The following LAMB4 variants were observed in gnomAD, a reference collection of about 807,000 sequenced individuals.
LAMB4 encodes the protein laminin subunit beta-4.
In LAMB4, 196 loss-of-function variants were observed where a neutral mutation model predicts 199.2. The observed-to-expected ratio is 0.98, with a 90% CI of 0.88 to 1.11. The LOEUF is 1.11. Ranked by LOEUF, LAMB4 falls within the 50% of genes least tolerant of loss-of-function variation. The pLI is 0.00. For synonymous variants in LAMB4, 744 were observed against 770.6 expected (o/e 0.97, Z 0.57); for missense variants, 2,080 against 2,171.2 (o/e 0.96, Z 0.83).
intron 32 of LAMB4, among the ~76,000 whole-genome samples, chr7:108,030,118 CAA>C (rs749155829): frequency 8.8e-4 from 70 of 79,790 alleles, no homozygotes; most frequent in Admixed American, 4.1e-3. Context: ...CTCTGTCTCA[CAA>C]AAAAAAAAAA....
At position 108,098,543 on chromosome 7, in the gene LAMB4, A is replaced by G; in HGVS notation, c.1220T>C (p.Ile407Thr). 1 of 1,612,800 alleles carries G rather than the reference A, an allele frequency of 6.2e-7. No individual in the cohort carries two copies. The highest frequency in any genetic ancestry group is 2.2e-5 in the East Asian group (1 of 44,878). Residue 407 changes from isoleucine (I) to threonine (T), a missense_variant, in exon 11 of 34, where the codon ATT becomes ACT. Coordinates refer to ENST00000388781, the MANE Select transcript of LAMB4 (RefSeq NM_007356.3). Reference protein sequence around the residue: ...CDPDGTISGGICVSHSDPALG... With the variant: ...CDPDGTISGGTCVSHSDPALG... ...GGCAGGATCAGAGTGGCTCACACAA[A>G]TGCCACCAGATATGGTCCCATCGGG... is the stretch of plus-strand genomic sequence containing the variant.
rs1486404467 is a variant in LAMB4 at position 108,057,562 on chromosome 7, G to T, written c.3379+270C>A. Among the ~76,000 whole-genome samples the T allele has an allele frequency of 2.6e-5, 4 of 152,272 alleles. No homozygotes were observed. In the East Asian group the frequency reaches 7.7e-4, roughly 29 times the overall value. On this transcript the variant is annotated intron_variant, in intron 24 of 33. Coordinates refer to ENST00000388781, the MANE Select transcript of LAMB4 (RefSeq NM_007356.3). ...TTTGGATTTTCTTCTTTTGGAAGCT[G>T]ACTGTTCCATTTGTAATGAGTTTGA...
intron 17 of LAMB4, among the ~76,000 whole-genome samples, chr7:108,075,135 A>G (rs1275303810): frequency 6.6e-6 from 1 of 152,108 alleles, no homozygotes; most frequent in Non-Finnish European, 1.5e-5. Context: ...TTTGTAACTC[A>G]TATGTTGGTT....
chr7:108,055,152 G>A (rs751602638), intron 25 of LAMB4, among the ~76,000 whole-genome samples: 1 of 151,202 alleles, frequency 6.6e-6, no homozygotes, highest in Non-Finnish European at 1.5e-5. Flanking sequence ...ATCCTAACTA[G>A]GTGAGAAAAA....
chr7:108,011,895 A>T, the LAMB4 span, among the ~76,000 whole-genome samples: 1 of 151,782 alleles, frequency 6.6e-6, no homozygotes, highest in East Asian at 1.9e-4. Flanking sequence ...ATATATAAAC[A>T]CATATGAATA....
the LAMB4 span, among the ~76,000 whole-genome samples, chr7:108,013,123 C>T: frequency 2.0e-5 from 3 of 152,210 alleles, no homozygotes; most frequent in African/African-American, 7.2e-5. Flanking sequence ...GAAGAGTATT[C>T]ATTAAGTAAG....
chr7:108,071,612 T>C (rs1242381631), intron 17 of LAMB4, among the ~76,000 whole-genome samples: 1 of 152,222 alleles, frequency 6.6e-6, no homozygotes, highest in Non-Finnish European at 1.5e-5. Context: ...AAGGAGGTCA[T>C]CTTTGACACT....
intron 25 of LAMB4, among the ~76,000 whole-genome samples, chr7:108,053,244 G>A (rs577421108): frequency 6.6e-6 from 1 of 152,328 alleles, no homozygotes; most frequent in South Asian, 2.1e-4. Flanking sequence ...GAAGCTTGGA[G>A]GAGTTTAGTA....
intron 12 of LAMB4, among the ~76,000 whole-genome samples, chr7:108,094,612 C>A (rs753823493): frequency 6.6e-6 from 1 of 151,028 alleles, no homozygotes; most frequent in Non-Finnish European, 1.5e-5. Flanking sequence ...TCATGGTGAG[C>A]TGCCAAGATT....
At chr7:108,064,094 G>A (rs2036257894) in intron 21 of LAMB4, 109 bp from the exon 22 acceptor site, 1 of 761,528 alleles carries the variant, frequency 1.3e-6, no homozygotes, top group Non-Finnish European at 2.3e-6. Flanking sequence ...GGAATAATGA[G>A]AAATCACACA....
intron 17 of LAMB4, among the ~76,000 whole-genome samples, chr7:108,074,229 C>T (rs760552527): frequency 1.3e-5 from 2 of 152,196 alleles, no homozygotes; most frequent in Non-Finnish European, 2.9e-5. Flanking sequence ...TGACCTAAAA[C>T]AGGTCTGGGC....
chr7:108,030,285 C>G (rs901611249), intron 32 of LAMB4, among the ~76,000 whole-genome samples: 3 of 152,284 alleles, frequency 2.0e-5, no homozygotes, highest in East Asian at 1.9e-4. Context: ...ATTAATGCAA[C>G]CAACCAAAGG....
rs201305121 is a variant in LAMB4, at chr7:108,052,144, T to G, written c.3869A>C (p.Gln1290Pro). 1.9e-6 allele frequency: 3 copies of G among 1,612,618 alleles called. No homozygotes were observed. The highest frequency in any genetic ancestry group is 2.5e-6 in the Non-Finnish European group (3 of 1,179,442). ...ACTGGATTGCAAATCAATTTCTTCC[T>G]GAAGGTCTTCAAGTAAGAGGTCTGC... ...NEADLLLEDL[Q>P]EEIDLQSSVL... is the part of the protein sequence containing the mutation. The change falls in exon 26 of 34, where the codon CAG becomes CCG. Residue 1290 changes from glutamine (Q) to proline (P), a missense_variant. Physicochemically the swap from Gln to Pro is moderately conservative, Grantham distance 76. Transcript: ENST00000388781.
chr7:108,073,877 G>T (rs2150568457), intron 17 of LAMB4, among the ~76,000 whole-genome samples: 1 of 152,324 alleles, frequency 6.6e-6, no homozygotes. Flanking sequence ...GCTCCTTAAG[G>T]CTCACAGCTG....
intron 12 of LAMB4, among the ~76,000 whole-genome samples, chr7:108,092,633 C>T (rs555154368): frequency 3.9e-5 from 6 of 152,214 alleles, no homozygotes; most frequent in South Asian, 2.1e-4. Context: ...GGGCTGGGTG[C>T]GGTGGCTCCT....
chr7:108,024,966 G>A (rs1396644045), intron 33 of LAMB4, among the ~76,000 whole-genome samples: 2 of 152,246 alleles, frequency 1.3e-5, no homozygotes, highest in Non-Finnish European at 2.9e-5. Context: ...GCTTCTAGAA[G>A]AGGGAAGGTA....
intron 12 of LAMB4, among the ~76,000 whole-genome samples, chr7:108,092,771 G>T (rs960601173): frequency 2.6e-5 from 4 of 152,148 alleles, no homozygotes; most frequent in Admixed American, 2.6e-4. Context: ...CCTGGGTGTG[G>T]TGCATGCCTG....
At chr7:108,128,445 A>G (rs1471208212) in intron 1 of LAMB4, among the ~76,000 whole-genome samples, 3 of 152,158 alleles carry the variant, frequency 2.0e-5, no homozygotes, top group Non-Finnish European at 4.4e-5. Context: ...GCATCCTAAA[A>G]TATCAACAGC....
chr7:108,058,376 C>A (rs2036053834), intron 23 of LAMB4, among the ~76,000 whole-genome samples: 1 of 152,058 alleles, frequency 6.6e-6, no homozygotes, highest in African/African-American at 2.4e-5. Flanking sequence ...GCGTTTTGCT[C>A]AAAAAAACAT....
Sources: gnomAD v4.1 joint callset for allele counts (sites outside exome capture counted in the v4.1 genomes callset) on GRCh38, gnomAD v4.1.1 for gene constraint, MANE v1.5 for transcripts, NCBI Gene and HGNC (gene_info 2026-07-23, HGNC 2026-07-21) for gene names.